RBBP6: variants seen among roughly 807,000 people sequenced by gnomAD.
The protein encoded by RBBP6 is RB binding protein 6, ubiquitin ligase.
A neutral mutation model predicts 167.7 loss-of-function variants in RBBP6; 25 were observed. The ratio of observed to expected loss-of-function variants is 0.15; its 90% CI spans 0.11 to 0.21. RBBP6 has a LOEUF of 0.21. RBBP6 is among the 10% of genes least tolerant of loss of function. RBBP6 has a pLI of 1.00. For missense variants in RBBP6, 1,868 were observed against 2,134.2 expected, an observed-to-expected ratio of 0.88 and a Z score of 2.46; for synonymous variants, 789 against 735.8, an observed-to-expected ratio of 1.07 and a Z score of -1.17.
At position 24,569,211 on chromosome 16, in the gene RBBP6, T is replaced by C; in HGVS notation, c.2521T>C (p.Tyr841His). 6.2e-7 allele frequency: 1 copy of C among 1,613,278 alleles called. No individual in the cohort carries two copies. Among genetic ancestry groups the C allele is most frequent in the Non-Finnish European group, 8.5e-7 (1 of 1,179,810 alleles). Reference protein sequence around the residue: ...ERKYREWYEKYYKGYAAGAQP... With the variant: ...ERKYREWYEKHYKGYAAGAQP... ...AAAATATAGAGAGTGGTATGAAAAA[T>C]ATTATAAAGGTTATGCTGCTGGAGC... The change falls in exon 17 of 18, where the codon TAT (tyrosine) becomes CAT (histidine). Residue 841 changes from tyrosine to histidine, a missense_variant. Around this residue, in one of 7 missense-constraint regions of RBBP6, gnomAD observed 673 missense variants for 691.5 expected, o/e 0.97. Coordinates refer to ENST00000319715, the MANE Select transcript of RBBP6 (RefSeq NM_006910.5).
At chr16:24,551,278 T>C (rs988053164) in intron 3 of RBBP6, among the ~76,000 whole-genome samples, 10 of 151,870 alleles carry the variant, frequency 6.6e-5, no homozygotes, top group Non-Finnish European at 1.0e-4. Flanking sequence ...TCAGTCCGTT[T>C]TGTGAGGACT....
chr16:24,556,182 T>G (rs1898908257), intron 6 of RBBP6, 126 bp from the exon 7 acceptor site: 2 of 800,300 alleles, frequency 2.5e-6, no homozygotes, highest in South Asian at 3.6e-5. Context: ...TTACAAGGAT[T>G]AAATGAGATC....
At chr16:24,541,975 C>T (rs996362706) in intron 1 of RBBP6, among the ~76,000 whole-genome samples, 2 of 152,124 alleles carry the variant, frequency 1.3e-5, no homozygotes, top group Non-Finnish European at 2.9e-5. Flanking sequence ...CAATGCAGAC[C>T]TAAGTATAAT....
At chr16:24,540,839 C>G in intron 1 of RBBP6, 47 bp downstream of exon 1, 1 of 1,583,296 alleles carries the variant, frequency 6.3e-7, no homozygotes, top group Non-Finnish European at 8.6e-7. Context: ...GAGAGAGATA[C>G]TAGCTAGAAG....
intron 1 of RBBP6, 100 bp from the exon 2 acceptor site, chr16:24,546,063 T>C: frequency 1.4e-6 from 2 of 1,439,490 alleles, no homozygotes; most frequent in Non-Finnish European, 1.8e-6. Context: ...TTATTATATT[T>C]AAAGTCATTT....
chr16:24,560,480 TG>T, intron 8 of RBBP6, among the ~76,000 whole-genome samples: 1 of 152,360 alleles, frequency 6.6e-6, no homozygotes, highest in Non-Finnish European at 1.5e-5. Context: ...AGCACTTAGT[TG>T]TTTCCTGCCA....
intron 12 of RBBP6, 46 bp from the exon 13 acceptor site, chr16:24,563,564 A>G (rs1379836534): frequency 6.2e-6 from 10 of 1,610,822 alleles, no homozygotes; most frequent in East Asian, 2.2e-5. Context: ...GCTTGATTTA[A>G]TGTGCAATTT....
intron 15 of RBBP6, 141 bp from the exon 16 acceptor site, chr16:24,567,651 T>C: frequency 8.0e-7 from 1 of 1,256,500 alleles, no homozygotes; most frequent in Non-Finnish European, 1.1e-6. Flanking sequence ...AAGCAACTTC[T>C]CAGGGATTCC....
chr16:24,566,342 A>G (rs1054360384), intron 14 of RBBP6, among the ~76,000 whole-genome samples: 3 of 152,240 alleles, frequency 2.0e-5, no homozygotes, highest in African/African-American at 7.2e-5. Flanking sequence ...TTTGAGAGAA[A>G]GCGTTGATAT....
At chr16:24,548,839 A>G (rs1898728840) in intron 2 of RBBP6, 106 bp from the exon 3 acceptor site, 1 of 917,728 alleles carries the variant, frequency 1.1e-6, no homozygotes. Context: ...ACCAAAGGAA[A>G]ATTAGGTTCC....
rs1310179659 is a variant in RBBP6, at chr16:24,570,429, G to A, written c.3739G>A (p.Val1247Ile). Reference protein sequence around the residue: ...STSSKVKQEKVKGKVRRKVTG... With the variant: ...STSSKVKQEKIKGKVRRKVTG... ...ATCTAGCAAAGTTAAACAAGAAAAAGTCAAAGGAAAGGTCAGACGAAAAGT... is the reference window on the plus strand; with the variant it reads ...ATCTAGCAAAGTTAAACAAGAAAAAATCAAAGGAAAGGTCAGACGAAAAGT... Residue 1247 changes from valine (V) to isoleucine (I), a missense_variant, in exon 17 of 18, where the codon GTC becomes ATC. Physicochemically the swap from Val to Ile is conservative, Grantham distance 29 (BLOSUM62 3). Coordinates refer to ENST00000319715, the MANE Select transcript of RBBP6 (RefSeq NM_006910.5). The A allele has an allele frequency of 3.1e-6, 5 of 1,608,596 alleles. No homozygotes were observed. Among genetic ancestry groups the A allele is most frequent in the Non-Finnish European group, 4.2e-6 (5 of 1,178,938 alleles).
Position 24,572,163 on chromosome 16 carries a change from C to T in RBBP6, c.5097C>T (p.Ser1699=). The T allele has an allele frequency of 1.2e-6, 2 of 1,614,134 alleles. No individual in the cohort carries two copies. The highest frequency in any genetic ancestry group is 1.7e-6 in the Non-Finnish European group (2 of 1,180,038). Residue 1699 remains serine (S), a synonymous_variant, in exon 18 of 18, where the codon AGC becomes AGT. Transcript: ENST00000319715. ...RNQSHSSPSV[S]PSRSHSPSGS... ...AGAGCCACAGCAGCCCCAGCGTCAG[C>T]CCCAGCAGAAGCCACAGTCCTTCTG...
intron 3 of RBBP6, 57 bp downstream of exon 3, chr16:24,549,038 T>C (rs761988126): frequency 6.3e-7 from 1 of 1,588,034 alleles, no homozygotes; most frequent in African/African-American, 1.3e-5. Flanking sequence ...CTTTATAATG[T>C]AGCAGTGAAG....
At position 24,539,848 on chromosome 16, in the gene RBBP6, G is replaced by C. The variant is rs1329558995; in HGVS notation, c.-779G>C. The C allele has an allele frequency of 6.6e-6, 1 of 152,452 alleles. No homozygotes were observed. The highest frequency in any genetic ancestry group is 1.5e-5 in the Non-Finnish European group (1 of 68,020). The allele number at this position is 152,452 out of a possible 1,614,324, so 9.4% of individuals were successfully genotyped here. ...GTCCGCCGAAGCCACCCGGCCGCCG[G>C]CTGGGGCCCGGGGTGGTGAGGAAGT... On this transcript the variant is annotated 5_prime_UTR_variant, in exon 1 of 18. Coordinates refer to ENST00000319715, the MANE Select transcript of RBBP6 (RefSeq NM_006910.5).
chr16:24,562,501 G>T (rs1220375823), intron 10 of RBBP6, among the ~76,000 whole-genome samples: 1 of 152,118 alleles, frequency 6.6e-6, no homozygotes, highest in East Asian at 1.9e-4. Context: ...GAGTAGTTTT[G>T]AGTAGAACTA....
At chr16:24,561,492 C>T in intron 8 of RBBP6, 120 bp from the exon 9 acceptor site, 10 of 803,368 alleles carry the variant, frequency 1.2e-5, no homozygotes, top group Non-Finnish European at 1.8e-5. Flanking sequence ...AAATGATTAG[C>T]ACGACATGCT....
intron 10 of RBBP6, among the ~76,000 whole-genome samples, chr16:24,562,701 A>C (rs28553362): frequency 0.033 from 4,968 of 149,434 alleles, 283 homozygotes; most frequent in African/African-American, 0.11. Flanking sequence ...AAAAAAAAAA[A>C]GGTGTAAGAG....
chr16:24,559,466 T>G (rs1334291256), intron 7 of RBBP6, 39 bp from the exon 8 acceptor site: 2 of 1,527,932 alleles, frequency 1.3e-6, no homozygotes, highest in Non-Finnish European at 1.8e-6. Context: ...GTACTCTGCC[T>G]TCTTAACAAT....
At chr16:24,556,599 C>T in intron 7 of RBBP6, 152 bp downstream of exon 7, 1 of 914,332 alleles carries the variant, frequency 1.1e-6, no homozygotes, top group Non-Finnish European at 1.5e-6. Flanking sequence ...TTCTGTGAGG[C>T]TGCAGTCTGC....
Sources: gnomAD v4.1 joint callset for allele counts (sites outside exome capture counted in the v4.1 genomes callset) on GRCh38, gnomAD v4.1.1 for gene constraint, gnomAD v4.1.1 regional missense constraint, MANE v1.5 for transcripts, NCBI Gene and HGNC (gene_info 2026-07-23, HGNC 2026-07-21) for gene names.